The following L1CAM variants were observed in gnomAD, a reference collection of about 807,000 sequenced individuals.
L1CAM encodes neural cell adhesion molecule L1.
A neutral mutation model predicts 93.0 loss-of-function variants in L1CAM; 8 were observed. The observed-to-expected ratio is 0.09, with a 90% CI of 0.05 to 0.16. The LOEUF (loss-of-function observed/expected upper bound fraction) is 0.16. L1CAM is among the 10% of genes least tolerant of loss of function. L1CAM has a pLI of 1.00. For synonymous variants in L1CAM, 453 were observed against 453.0 expected, an observed-to-expected ratio of 1.00 and a Z score of 0.00; for missense variants, 777 against 1,073.4, an observed-to-expected ratio of 0.72 and a Z score of 3.86.
intron 1 of L1CAM, among the ~76,000 whole-genome samples, chrX:153,884,663 GCCGAGT>G (rs200543984): frequency 0.058 from 6,492 of 111,994 alleles, 259 homozygotes; most frequent in African/African-American, 0.14. Flanking sequence ...GGCCAAGACA[GCCGAGT>G]CCTCAAAGGC....
intron 20 of L1CAM, 67 bp from the exon 21 acceptor site, chrX:153,865,567 C>T: frequency 9.2e-7 from 1 of 1,087,376 alleles, no homozygotes; most frequent in South Asian, 1.8e-5. Context: ...GCGCACACCC[C>T]CACCACCCTT....
Position 153,870,197 on chromosome X carries a change from G to A in L1CAM, c.850C>T (p.Pro284Ser), listed in dbSNP as rs782600125. 9 of 1,212,008 alleles carry A rather than the reference G, an allele frequency of 7.4e-6. No homozygotes were observed. In the East Asian group the frequency reaches 2.4e-4, roughly 32 times the overall value. The change falls in exon 9 of 29, where the codon CCA becomes TCA. Residue 284 changes from proline (P) to serine (S), a missense_variant. By Grantham distance (74) the Pro-to-Ser change is moderately conservative. This residue lies in a region of L1CAM where 574 missense variants were observed against 781.0 expected (regional missense o/e 0.73). Coordinates refer to ENST00000370060, the MANE Select transcript of L1CAM (RefSeq NM_001278116.2). Reference protein sequence around the residue: ...IKWLRPSGPMPADRVTYQNHN... With the variant: ...IKWLRPSGPMSADRVTYQNHN... The stretch of plus-strand genomic sequence containing the variant: ...TTCTGGTAGGTGACACGGTCGGCTG[G>A]CATGGGGCCACTGGGGCGCAGCCAT...
chrX:153,871,861 G>A (rs1329722584), intron 5 of L1CAM, among the ~76,000 whole-genome samples: 12 of 20,807 alleles, frequency 5.8e-4, no homozygotes, highest in Non-Finnish European at 9.7e-4. Flanking sequence ...CCACCAGCCC[G>A]CCCCCCCCTC....
chrX:153,877,716 G>T (rs1323960158), intron 1 of L1CAM, among the ~76,000 whole-genome samples: 1 of 111,628 alleles, frequency 9.0e-6, no homozygotes, highest in Non-Finnish European at 1.9e-5. Flanking sequence ...ACCCCCTGCT[G>T]CTCCTCAGCC....
At chrX:153,880,068 G>T (rs1557095413) in intron 1 of L1CAM, among the ~76,000 whole-genome samples, 1 of 111,823 alleles carries the variant, frequency 8.9e-6, no homozygotes, top group Non-Finnish European at 1.9e-5. Context: ...CCCCAGAAGA[G>T]CCTTGCCCCA....
intron 2 of L1CAM, among the ~76,000 whole-genome samples, chrX:153,874,879 C>T (rs898199869): frequency 8.0e-5 from 9 of 112,164 alleles, no homozygotes; most frequent in African/African-American, 2.9e-4. Context: ...CAAGTGTGTA[C>T]TTACATTCAG....
At chrX:153,883,077 G>T (rs2064853919) in intron 1 of L1CAM, among the ~76,000 whole-genome samples, 1 of 111,750 alleles carries the variant, frequency 8.9e-6, no homozygotes, top group South Asian at 3.7e-4. Context: ...CTCAGACAAG[G>T]CCCCCATGGG....
chrX:153,869,253 G>C, intron 11 of L1CAM: 1 of 453,445 alleles, frequency 2.2e-6, no homozygotes, highest in Non-Finnish European at 3.9e-6. Context: ...AGTTCCAGGA[G>C]AGGTGCCACC....
intron 25 of L1CAM, 148 bp from the exon 26 acceptor site, chrX:153,864,165 G>C: frequency 9.8e-7 from 1 of 1,025,438 alleles, no homozygotes; most frequent in East Asian, 3.0e-5. Flanking sequence ...GGGTATGAAA[G>C]GGGGCTGATT....
chrX:153,870,352 G>T, intron 8 of L1CAM, 36 bp downstream of exon 8: 2 of 1,149,670 alleles, frequency 1.7e-6, no homozygotes, highest in Non-Finnish European at 2.4e-6. Flanking sequence ...CCGCCACCCT[G>T]CCCTGCCCTG....
rs782562301 is a variant in L1CAM at position 153,867,144 on chromosome X, C to T, written c.2138-20G>A. 2.0e-5 allele frequency: 24 copies of T among 1,175,630 alleles called. No individual in the cohort carries two copies. The highest frequency in any genetic ancestry group is 2.7e-5 in the Non-Finnish European group (23 of 862,601). On this transcript the variant is annotated intron_variant, in intron 17 of 28. Transcript: ENST00000370060. The stretch of plus-strand genomic sequence containing the variant: ...CTGGGGCTGGAAAGGAAAGTATTAA[C>T]ACATCAATGCTGCAGCCTCTTTTGG...
chrX:153,883,682 C>T (rs1557096192), intron 1 of L1CAM: 6 of 318,673 alleles, frequency 1.9e-5, no homozygotes, highest in South Asian at 8.5e-5. Context: ...GGCAGGGCCC[C>T]CACTCATGCC....
chrX:153,867,294 C>A, intron 17 of L1CAM, 62 bp downstream of exon 17: 1 of 1,078,772 alleles, frequency 9.3e-7, no homozygotes, highest in South Asian at 1.9e-5. Context: ...CTCTCTAAGC[C>A]CTCCCTTCAC....
At chrX:153,872,544 CG>C (rs2064780858) in intron 4 of L1CAM, 47 bp downstream of exon 4, 2 of 1,066,821 alleles carry the variant, frequency 1.9e-6, no homozygotes, top group African/African-American at 3.7e-5. Flanking sequence ...GGCACAAGGC[CG>C]GGGTCAGTGG....
intron 2 of L1CAM, among the ~76,000 whole-genome samples, chrX:153,875,209 A>G (rs1557094192): frequency 9.0e-6 from 1 of 111,443 alleles, no homozygotes; most frequent in Non-Finnish European, 1.9e-5. Context: ...ACTACACACA[A>G]AAAAGGGTCC....
intron 5 of L1CAM, among the ~76,000 whole-genome samples, 174 bp downstream of exon 5, chrX:153,871,978 G>A (rs1241326253): frequency 9.2e-6 from 1 of 108,977 alleles, no homozygotes; most frequent in Non-Finnish European, 1.9e-5. Flanking sequence ...ACAGGGCAAA[G>A]GAGGAGACTG....
rs73640833 is a variant in L1CAM, at chrX:153,869,924, G to A, written c.1002C>T (p.Tyr334=). The part of the protein sequence containing the change: ...AYYVTVEAAP[Y]WLHKPQSHLY... ...GATGGCTCTGGGGCTTGTGCAGCCA[G>A]TACGGGGCAGCTGGGAGGAAGGGGA... Residue 334 remains tyrosine (Y), a synonymous_variant, in exon 10 of 29, where the codon TAC becomes TAT. Coordinates refer to ENST00000370060, the MANE Select transcript of L1CAM (RefSeq NM_001278116.2). The A allele has an allele frequency of 7.8e-4, 939 of 1,208,329 alleles. 7 individuals carry two copies. The African/African-American group carries it at 0.015, about 19-fold the overall frequency.
chrX:153,868,630 C>T lies in L1CAM; in HGVS notation c.1477G>A (p.Gly493Arg), dbSNP rs1312463945. Residue 493 changes from glycine (G) to arginine (R), a missense_variant, in exon 13 of 29, where the codon GGA becomes AGA. Around this residue, in one of 5 missense-constraint regions of L1CAM, gnomAD observed 574 missense variants for 781.0 expected, o/e 0.73. Coordinates refer to ENST00000370060, the MANE Select transcript of L1CAM (RefSeq NM_001278116.2). ...GIRDLQANDT[G>R]RYFCLAANDQ... ...TTGGCAGCCAGGCAGAAGTAGCGTC[C>T]GGTGTCATTGGCCTGGAGGTCTCGA... is the stretch of plus-strand genomic sequence containing the variant. 2.6e-5 allele frequency: 31 copies of T among 1,209,891 alleles called. No individual in the cohort carries two copies. Among genetic ancestry groups the T allele is most frequent in the Admixed American group, 4.4e-5 (2 of 45,862 alleles).
At chrX:153,867,188 G>A in intron 17 of L1CAM, 64 bp from the exon 18 acceptor site, 4 of 1,068,552 alleles carry the variant, frequency 3.7e-6, no homozygotes, top group Non-Finnish European at 5.2e-6. Context: ...GAGGACCGAG[G>A]GCCAAGGAAC....
Sources: allele counts gnomAD v4.1 joint callset (sites outside exome capture counted in the v4.1 genomes callset), GRCh38; gene constraint gnomAD v4.1.1; regional missense constraint gnomAD v4.1.1; transcripts MANE v1.5; gene names NCBI Gene and HGNC (gene_info 2026-07-23, HGNC 2026-07-21).